The following ATP2B2 variants were observed in gnomAD, a reference collection of about 807,000 sequenced individuals.
ATP2B2 encodes the protein ATPase plasma membrane Ca2+ transporting 2, also known as plasma membrane calcium-transporting ATPase 2.
Under a neutral mutation model 120.0 loss-of-function variants are expected in ATP2B2, and 15 were observed. That is an observed-to-expected ratio of 0.12 (90% CI 0.08 to 0.19). The LOEUF (loss-of-function observed/expected upper bound fraction) is 0.19. ATP2B2 is among the 10% of genes least tolerant of loss of function. The pLI is 1.00. For synonymous variants in ATP2B2, 694 were observed against 700.3 expected (o/e 0.99, Z 0.14); for missense variants, 1,045 against 1,719.8 (o/e 0.61, Z 6.94).
At chr3:10,673,512 G>A (rs749350867) in intron 1 of ATP2B2, among the ~76,000 whole-genome samples, 3 of 151,956 alleles carry the variant, frequency 2.0e-5, no homozygotes, top group African/African-American at 7.3e-5. Flanking sequence ...GAGAGAGAGA[G>A]AGAGAGGCCA....
chr3:10,596,490 T>C (rs948588796), intron 2 of ATP2B2, among the ~76,000 whole-genome samples: 3 of 152,230 alleles, frequency 2.0e-5, no homozygotes, highest in Admixed American at 6.5e-5. Flanking sequence ...TCAAGGGAGA[T>C]GCCAAGGCTT....
intron 1 of ATP2B2, among the ~76,000 whole-genome samples, chr3:10,683,499 A>G (rs920438790): frequency 1.3e-5 from 2 of 151,862 alleles, no homozygotes. Flanking sequence ...TATAAACTCC[A>G]ACCTTAAGAT....
chr3:10,507,037 A>C (rs1330402427), upstream of ATP2B2, among the ~76,000 whole-genome samples: 1 of 152,180 alleles, frequency 6.6e-6, no homozygotes, highest in Non-Finnish European at 1.5e-5. Flanking sequence ...CTCAGCCCCC[A>C]GCCCCATGGA....
chr3:10,542,559 A>T (rs751301197), intron 2 of ATP2B2, among the ~76,000 whole-genome samples: 1 of 152,136 alleles, frequency 6.6e-6, no homozygotes, highest in Non-Finnish European at 1.5e-5. Flanking sequence ...GCTTTCCTTC[A>T]TCTGAGAATG....
Position 10,449,372 on chromosome 3 carries a change from G to A in ATP2B2, c.172C>T (p.Arg58Trp), listed in dbSNP as rs762455685. ...TCAACAGGTGAGGTTTTGAGGCGCC[G>A]GCAGATGGCTTCGGTGTCCCCATAA... ...ETYGDTEAIC[R>W]RLKTSPVEGL... Residue 58 changes from arginine to tryptophan, a missense_variant, in exon 2 of 23, where the codon CGG becomes TGG. Physicochemically the swap from Arg to Trp is moderately radical, Grantham distance 101. Around this residue, in one of 11 missense-constraint regions of ATP2B2, gnomAD observed 139 missense variants for 134.2 expected, o/e 1.04. Coordinates refer to ENST00000360273, the MANE Select transcript of ATP2B2 (RefSeq NM_001001331.4). The A allele has an allele frequency of 3.7e-6, 6 of 1,614,194 alleles. No homozygotes were observed. Among genetic ancestry groups the A allele is most frequent in the Admixed American group, 1.7e-5 (1 of 60,022 alleles).
chr3:10,410,590 CG>C, intron 3 of ATP2B2, 27 bp downstream of exon 3: 12 of 1,577,200 alleles, frequency 7.6e-6, no homozygotes, highest in Non-Finnish European at 1.0e-5. Context: ...GTGTGCGGGG[CG>C]GTTCGTGGGT....
chr3:10,336,020 G>T, intron 22 of ATP2B2: 1 of 1,325,748 alleles, frequency 7.5e-7, no homozygotes, highest in Non-Finnish European at 1.0e-6. Flanking sequence ...CATCCCCCTG[G>T]GCCTGATTGT....
rs543226613 is a variant in ATP2B2 at position 10,587,855 on chromosome 3, A to T, written c.-415+32062T>A. The stretch of plus-strand genomic sequence containing the variant: ...ATCAATAATATTGGTTAAGTGAATG[A>T]ATTTGGTTGCTGTATATACTCAGTT... On this transcript the variant is annotated intron_variant, in intron 2 of 21. Coordinates refer to the ATP2B2 transcript ENST00000646379. 5.9e-5 allele frequency among the ~76,000 whole-genome samples: 9 copies of T among 152,308 alleles called. No individual in the cohort carries two copies. In the East Asian group the frequency reaches 1.7e-3, roughly 29 times the overall value.
At chr3:10,613,305 C>A (rs1212349120) in intron 2 of ATP2B2, among the ~76,000 whole-genome samples, 2 of 152,142 alleles carry the variant, frequency 1.3e-5, no homozygotes, top group East Asian at 3.9e-4. Context: ...AAGTGGTAAT[C>A]ATAAAAGCGG....
intron 5 of ATP2B2, among the ~76,000 whole-genome samples, chr3:10,398,742 G>A (rs1226552255): frequency 6.6e-6 from 1 of 152,200 alleles, no homozygotes; most frequent in East Asian, 1.9e-4. Flanking sequence ...TCTTGACAGA[G>A]AGTTGGCACA....
intron 1 of ATP2B2, among the ~76,000 whole-genome samples, chr3:10,622,467 T>C (rs929236520): frequency 6.6e-6 from 1 of 152,012 alleles, no homozygotes; most frequent in African/African-American, 2.4e-5. Context: ...AGGCCTGGGA[T>C]GGAAAGTAAT....
At chr3:10,634,206 C>T (rs2069956212) in intron 1 of ATP2B2, among the ~76,000 whole-genome samples, 1 of 152,228 alleles carries the variant, frequency 6.6e-6, no homozygotes, top group South Asian at 2.1e-4. Flanking sequence ...TACTTTATTA[C>T]TTTCAATCAC....
At position 10,449,339 on chromosome 3, in the gene ATP2B2, A is replaced by G. The variant is rs1323620236; in HGVS notation, c.199+6T>C. 1.2e-6 allele frequency: 2 copies of G among 1,614,194 alleles called. No individual in the cohort carries two copies. Among genetic ancestry groups the G allele is most frequent in the Non-Finnish European group, 1.7e-6 (2 of 1,180,018 alleles). On this transcript the variant is annotated splice_donor_region_variant and intron_variant, in intron 2 of 22. Transcript: ENST00000360273. ...GCAGCCCTGGGTTCAAGTCTTGAAC[A>G]CTTACCTTCAACAGGTGAGGTTTTG...
At chr3:10,653,867 C>T (rs1304092289) in intron 1 of ATP2B2, among the ~76,000 whole-genome samples, 1 of 152,160 alleles carries the variant, frequency 6.6e-6, no homozygotes, top group East Asian at 1.9e-4. Context: ...ACTGTTCCTG[C>T]TTCCTGGATT....
chr3:10,404,758 C>T (rs2062353476), intron 3 of ATP2B2, among the ~76,000 whole-genome samples: 1 of 152,156 alleles, frequency 6.6e-6, no homozygotes, highest in African/African-American at 2.4e-5. Context: ...ATAGAGACTC[C>T]AAAGACTGGG....
intron 21 of ATP2B2, among the ~76,000 whole-genome samples, chr3:10,339,378 G>A (rs942287772): frequency 6.6e-6 from 1 of 152,190 alleles, no homozygotes; most frequent in Non-Finnish European, 1.5e-5. Context: ...CAGCTTGAAG[G>A]CAAGAAAAAT....
At chr3:10,332,718 G>T (rs1210305774) in intron 22 of ATP2B2, among the ~76,000 whole-genome samples, 2 of 152,150 alleles carry the variant, frequency 1.3e-5, no homozygotes, top group East Asian at 1.9e-4. Context: ...CTAGTGGGAA[G>T]AATGAGGGAC....
chr3:10,609,804 G>C (rs2125605994), intron 2 of ATP2B2, among the ~76,000 whole-genome samples: 1 of 152,282 alleles, frequency 6.6e-6, no homozygotes, highest in Non-Finnish European at 1.5e-5. Flanking sequence ...ATCCTAAGGG[G>C]CTGGGGCACT....
At position 10,359,625 on chromosome 3, in the gene ATP2B2, G is replaced by C. The variant is rs144421425; in HGVS notation, c.1901+257C>G. 4.9e-3 allele frequency among the ~76,000 whole-genome samples: 743 copies of C among 152,318 alleles called. 4 individuals carry two copies. The highest frequency in any genetic ancestry group is 0.017 in the South Asian group (83 of 4,826). On this transcript the variant is annotated intron_variant, in intron 13 of 22. Transcript: ENST00000360273. The stretch of plus-strand genomic sequence containing the variant: ...GAACCAGCGGCTTAGGGAGGAGAAG[G>C]GGGAGGACTCTGGCTATAGAAATGT...
Sources: allele counts gnomAD v4.1 joint callset (sites outside exome capture counted in the v4.1 genomes callset), GRCh38; gene constraint gnomAD v4.1.1; regional missense constraint gnomAD v4.1.1; transcripts MANE v1.5; gene names NCBI Gene and HGNC (gene_info 2026-07-23, HGNC 2026-07-21).